Variants in SCNN1D observed in about 807,000 individuals in gnomAD.
SCNN1D encodes epithelial sodium channel subunit delta.
SCNN1D carries 104 observed loss-of-function variants against 87.8 expected under a neutral mutation model. The ratio of observed to expected loss-of-function variants is 1.18; its 90% CI spans 1.01 to 1.39. SCNN1D has a LOEUF of 1.39. Ranked by LOEUF, SCNN1D falls within the 40% of genes most tolerant of loss-of-function variation. SCNN1D has a pLI of 0.00. For missense variants in SCNN1D, 1,324 were observed against 1,093.9 expected, an observed-to-expected ratio of 1.21 and a Z score of -2.97; for synonymous variants, 628 against 481.2, an observed-to-expected ratio of 1.31 and a Z score of -3.99.
chr1:1,287,448 G>A, intron 9 of SCNN1D, 60 bp from the exon 10 acceptor site: 14 of 1,500,646 alleles, frequency 9.3e-6, no homozygotes, highest in Non-Finnish European at 1.3e-5. Context: ...GGCCCCTCAG[G>A]CCAGCGTGAC....
At position 1,287,687 on chromosome 1, in the gene SCNN1D, C is replaced by T. The variant is rs1305251192; in HGVS notation, c.1414C>T (p.Leu472Phe). ...TGGCCTCCCAGGAGTCGGCCTGGTC[C>T]TCAGGGTTGAGCAGCAGCCTCACCT... ...PGITHGVGLVLRVEQQPHLPL... is the reference protein window; with the variant it reads ...PGITHGVGLVFRVEQQPHLPL... The change falls in exon 11 of 18, where the codon CTC becomes TTC. Residue 472 changes from leucine to phenylalanine, a missense_variant. Transcript: ENST00000379116. 6.2e-7 allele frequency: 1 copy of T among 1,611,564 alleles called. No homozygotes were observed. Among genetic ancestry groups the T allele is most frequent in the East Asian group, 2.2e-5 (1 of 44,828 alleles).
In SCNN1D at chr1:1,282,325, C is replaced by G; in HGVS notation, c.351+10C>G. 1 of 1,550,008 alleles carries G rather than the reference C, an allele frequency of 6.5e-7. No individual in the cohort carries two copies. Among genetic ancestry groups the G allele is most frequent in the Non-Finnish European group, 8.7e-7 (1 of 1,146,796 alleles). On this transcript the variant is annotated intron_variant, in intron 4 of 17. Transcript: ENST00000379116. ...CTTCCAGAGCCGGCAGGCAGGTGAC[C>G]TCACCCTCCTCAGAGCCATGGCTCT...
chr1:1,287,234 C>G lies in SCNN1D; in HGVS notation c.1245C>G (p.Ser415Arg). The G allele has an allele frequency of 1.2e-6, 2 of 1,611,274 alleles. No individual in the cohort carries two copies. The highest frequency in any genetic ancestry group is 1.7e-6 in the Non-Finnish European group (2 of 1,179,330). ...TGCTGCCCGCGGCATGGGAGGACAGCCACGGGAGCCAGGACGGCCACTTCG... is the reference window on the plus strand; with the variant it reads ...TGCTGCCCGCGGCATGGGAGGACAGGCACGGGAGCCAGGACGGCCACTTCG... ...LALLPAAWED[S>R]HGSQDGHFVL... The change falls in exon 9 of 18, where the codon AGC (serine) becomes AGG (arginine). Residue 415 changes from serine (S) to arginine (R), a missense_variant. Ser to Arg is a moderately radical substitution (Grantham distance 110). Transcript: ENST00000379116.
In SCNN1D at chr1:1,287,280, G is replaced by A; in HGVS notation, c.1291G>A (p.Gly431Ser). 2 of 1,599,710 alleles carry A rather than the reference G, an allele frequency of 1.3e-6. No individual in the cohort carries two copies. Among genetic ancestry groups the A allele is most frequent in the Non-Finnish European group, 1.7e-6 (2 of 1,171,714 alleles). ...GHFVLSCSYD[G>S]LDCQARQFRT... ...CTTCGTCCTCTCCTGCAGTTACGAT[G>A]GCCTGGACTGCCAGGCCCGGTGAGT... is the stretch of plus-strand genomic sequence containing the variant. The change falls in exon 9 of 18, where the codon GGC becomes AGC. Residue 431 changes from glycine (G) to serine (S), a missense_variant. Transcript: ENST00000379116.
chr1:1,285,707 C>A, intron 6 of SCNN1D, 43 bp downstream of exon 6: 1 of 1,442,950 alleles, frequency 6.9e-7, no homozygotes, highest in Non-Finnish European at 9.3e-7. Context: ...GCTGCCCCAG[C>A]AGCCCAAACT....
At chr1:1,283,628 G>T (rs141798351) in intron 4 of SCNN1D, among the ~76,000 whole-genome samples, 1 of 152,158 alleles carries the variant, frequency 6.6e-6, no homozygotes. Context: ...AACTCGGGAG[G>T]TGGAGCTTGC....
At position 1,290,376 on chromosome 1, in the gene SCNN1D, C is replaced by T. The variant is rs757219637; in HGVS notation, c.1768C>T (p.His590Tyr). 1.2e-6 allele frequency: 2 copies of T among 1,601,588 alleles called. No homozygotes were observed. The highest frequency in any genetic ancestry group is 1.7e-5 in the Admixed American group (1 of 59,460). Residue 590 changes from histidine (H) to tyrosine (Y), a missense_variant, in exon 13 of 18, where the codon CAC becomes TAC. Physicochemically the swap from His to Tyr is moderately conservative, Grantham distance 83. Coordinates refer to ENST00000379116, the MANE Select transcript of SCNN1D (RefSeq NM_001130413.4). The part of the protein sequence containing the change: ...AGAEYCSSAR[H>Y]PAWGHCFYRL... ...GGCTGAGTACTGCAGCTCTGCCCGG[C>T]ACCCTGCCTGGGGTGAGTCCTGCTC...
At chr1:1,282,555 C>T (rs1209661150) in intron 4 of SCNN1D, among the ~76,000 whole-genome samples, 1 of 124,954 alleles carries the variant, frequency 8.0e-6, no homozygotes, top group East Asian at 4.0e-4. Context: ...GGACACCTGC[C>T]TTCCACACAA....
At position 1,284,045 on chromosome 1, in the gene SCNN1D, G is replaced by C. The variant is rs1640521632; in HGVS notation, c.419G>C (p.Trp140Ser). 14 of 1,360,068 alleles carry C rather than the reference G, an allele frequency of 1.0e-5. No individual in the cohort carries two copies. Among genetic ancestry groups the C allele is most frequent in the Non-Finnish European group, 1.3e-5 (14 of 1,061,682 alleles). 84.3% of individuals were successfully genotyped at this position (1,360,068 alleles called of 1,614,324 possible). The change falls in exon 5 of 18, where the codon TGG (tryptophan) becomes TCG (serine). Residue 140 changes from tryptophan (W) to serine (S), a missense_variant. Transcript: ENST00000379116. Reference sequence around the variant, plus strand: ...CCGCAATGGCTGAGCACCGAAGCATGGACGGGAGAATGGAAGCAGCCACAC... The same window carrying C: ...CCGCAATGGCTGAGCACCGAAGCATCGACGGGAGAATGGAAGCAGCCACAC... ...LPPQWLSTEA[W>S]TGEWKQPHGG...
chr1:1,281,575 G>A lies in SCNN1D; in HGVS notation c.242G>A (p.Cys81Tyr). 1 of 1,535,752 alleles carries A rather than the reference G, an allele frequency of 6.5e-7. No individual in the cohort carries two copies. The highest frequency in any genetic ancestry group is 8.7e-7 in the Non-Finnish European group (1 of 1,146,784). Residue 81 changes from cysteine (C) to tyrosine (Y), a missense_variant, in exon 3 of 18, where the codon TGC (cysteine) becomes TAC (tyrosine). Cys to Tyr is a radical substitution (Grantham distance 194). Coordinates refer to ENST00000379116, the MANE Select transcript of SCNN1D (RefSeq NM_001130413.4). ...CATGTGCTCTGTGGCTACCCCCTCT[G>A]CCTACTCTCTGGCCCGATACAGGGG... The part of the protein sequence containing the change: ...AGHVLCGYPL[C>Y]LLSGPIQGCG...
chr1:1,287,817 C>T lies in SCNN1D; in HGVS notation c.1544C>T (p.Ala515Val). The change falls in exon 11 of 18, where the codon GCC becomes GTC. Residue 515 changes from alanine to valine, a missense_variant. Physicochemically the swap from Ala to Val is moderately conservative, Grantham distance 64. Coordinates refer to ENST00000379116, the MANE Select transcript of SCNN1D (RefSeq NM_001130413.4). The stretch of plus-strand genomic sequence containing the variant: ...TTCAGCGTCCGGCCAGGGACGGAGG[C>T]CACCATCAGCATCCGAGAGGTGAGC... ...HSFSVRPGTE[A>V]TISIREDEVH... 1.3e-6 allele frequency: 2 copies of T among 1,563,608 alleles called. No homozygotes were observed. Among genetic ancestry groups the T allele is most frequent in the East Asian group, 2.4e-5 (1 of 41,986 alleles).
chr1:1,290,319 T>C lies in SCNN1D; in HGVS notation c.1711T>C (p.Cys571Arg). The C allele has an allele frequency of 6.3e-7, 1 of 1,593,186 alleles. No individual in the cohort carries two copies. Among genetic ancestry groups the C allele is most frequent in the Non-Finnish European group, 8.6e-7 (1 of 1,168,388 alleles). Residue 571 changes from cysteine (C) to arginine (R), a missense_variant, in exon 13 of 18, where the codon TGT becomes CGT. Physicochemically the swap from Cys to Arg is radical, Grantham distance 180. Transcript: ENST00000379116. ...FQQLMVETCS[C>R]GYYLHPLPAG... ...GCAGCTGATGGTGGAGACCTGCTCC[T>C]GTGGCTACTACCTCCACCCTCTGCC...
Position 1,291,566 on chromosome 1 carries a change from G to C in SCNN1D, c.2365G>C (p.Glu789Gln), listed in dbSNP as rs747687115. 1 of 1,585,782 alleles carries C rather than the reference G, an allele frequency of 6.3e-7. No individual in the cohort carries two copies. Among genetic ancestry groups the C allele is most frequent in the Non-Finnish European group, 8.6e-7 (1 of 1,162,280 alleles). Reference protein sequence around the residue: ...PGVLAGVSAEESWAGPQPLET... With the variant: ...PGVLAGVSAEQSWAGPQPLET... ...GGTTCTGGCGGGAGTCTCAGCCGAA[G>C]AGAGCTGGGCTGGGCCCCAGCCCCT... Residue 789 changes from glutamate (E) to glutamine (Q), a missense_variant, in exon 18 of 18, where the codon GAG becomes CAG. By Grantham distance (29) the Glu-to-Gln change is conservative (BLOSUM62 2). Coordinates refer to ENST00000379116, the MANE Select transcript of SCNN1D (RefSeq NM_001130413.4).
At chr1:1,287,386 G>A (rs1640619896) in intron 9 of SCNN1D, 87 bp downstream of exon 9, 2 of 1,491,226 alleles carry the variant, frequency 1.3e-6, no homozygotes, top group African/African-American at 1.4e-5. Context: ...TGTATGCTGG[G>A]AGCCACCCAA....
At position 1,291,331 on chromosome 1, in the gene SCNN1D, C is replaced by G; in HGVS notation, c.2130C>G (p.Leu710=). Residue 710 remains leucine, a synonymous_variant, in exon 18 of 18, where the codon CTC becomes CTG. Coordinates refer to ENST00000379116, the MANE Select transcript of SCNN1D (RefSeq NM_001130413.4). ...FGASVLSLLE[L]LELLLDASAL... is the part of the protein sequence containing the mutation. ...CCTCCGTCCTCTCCCTCCTGGAGCT[C>G]CTGGAGCTGCTGCTCGATGCTTCTG... 1.2e-6 allele frequency: 2 copies of G among 1,602,650 alleles called. No homozygotes were observed. Among genetic ancestry groups the G allele is most frequent in the African/African-American group, 1.3e-5 (1 of 74,750 alleles).
rs1640465721 is a variant in SCNN1D, at chr1:1,281,308, A to G, written c.77+11A>G. ...CAGCGGCCCAAGGAGGTGAGCTCAC[A>G]GCCATGCTCGGTCAATGGGGCCTGG... On this transcript the variant is annotated intron_variant, in intron 2 of 17. Transcript: ENST00000379116. The G allele has an allele frequency of 1.3e-6, 2 of 1,535,630 alleles. No homozygotes were observed. The highest frequency in any genetic ancestry group is 8.7e-7 in the Non-Finnish European group (1 of 1,146,752).
At chr1:1,286,638 T>C (rs970273865) in intron 7 of SCNN1D, 130 bp from the exon 8 acceptor site, 1 of 881,954 alleles carries the variant, frequency 1.1e-6, no homozygotes. Context: ...ACTCCAGCTC[T>C]GGGTCCAGCT....
In SCNN1D at chr1:1,290,885, C is replaced by G; in HGVS notation, c.1918-10C>G. Reference sequence around the variant, plus strand: ...GGGAGCCGTGGCCACAGCAAACCTTCCGTCTGCAGGGATGGACTCTGGCCA... The same window carrying G: ...GGGAGCCGTGGCCACAGCAAACCTTGCGTCTGCAGGGATGGACTCTGGCCA... On this transcript the variant is annotated splice_polypyrimidine_tract_variant and intron_variant, in intron 15 of 17. Transcript: ENST00000379116. 1 of 1,609,694 alleles carries G rather than the reference C, an allele frequency of 6.2e-7. No individual in the cohort carries two copies. Among genetic ancestry groups the G allele is most frequent in the Non-Finnish European group, 8.5e-7 (1 of 1,178,944 alleles).
In SCNN1D at chr1:1,286,900, C is replaced by T. The variant is rs549333520; in HGVS notation, c.1044C>T (p.Pro348=). Residue 348 remains proline (P), a synonymous_variant, in exon 8 of 18, where the codon CCC becomes CCT. Transcript: ENST00000379116. ...CCACTGTCCCCCGCCACGAGCCCCC[C>T]TTCCACCTGGACCGGGAGATCCGTC... is the stretch of plus-strand genomic sequence containing the variant. ...LSATVPRHEP[P]FHLDREIRLQ... 1.9e-6 allele frequency: 3 copies of T among 1,612,636 alleles called. No homozygotes were observed. The highest frequency in any genetic ancestry group is 2.5e-6 in the Non-Finnish European group (3 of 1,179,896).
Sources: gnomAD v4.1 joint callset for allele counts (sites outside exome capture counted in the v4.1 genomes callset) on GRCh38, gnomAD v4.1.1 for gene constraint, MANE v1.5 for transcripts, NCBI Gene and HGNC (gene_info 2026-07-23, HGNC 2026-07-21) for gene names.